The following LILRA4 variants were observed in gnomAD, a reference collection of about 807,000 sequenced individuals.
LILRA4 encodes leukocyte immunoglobulin like receptor A4, also known as leukocyte immunoglobulin-like receptor subfamily A member 4.
LILRA4 carries 51 observed loss-of-function variants against 49.5 expected under a neutral mutation model. The observed-to-expected ratio is 1.03, with a 90% CI of 0.82 to 1.30. LILRA4 has a LOEUF of 1.30. Among genes scored for constraint, LILRA4 ranks in the 50% most tolerant of loss-of-function variants. The pLI is 0.00. For synonymous variants in LILRA4, 272 were observed against 265.6 expected (o/e 1.02, Z -0.23); for missense variants, 624 against 625.6 (o/e 1.00, Z 0.03).
intron 6 of LILRA4, chr19:54,335,046 ATAT>A (rs1158451616): frequency 6.6e-6 from 1 of 152,132 alleles, no homozygotes; most frequent in African/African-American, 2.4e-5. Context: ...CTGATGAAAA[ATAT>A]TAAGCACAGG....
At position 54,333,770 on chromosome 19, in the gene LILRA4, G is replaced by T. The variant is rs543749996; in HGVS notation, c.1307-5C>A. On this transcript the variant is annotated splice_polypyrimidine_tract_variant and splice_region_variant and intron_variant, in intron 7 of 7. Coordinates refer to ENST00000291759, the MANE Select transcript of LILRA4 (RefSeq NM_012276.5). ...TGTAATCCTGGAGGTGTGGGGCTAG[G>T]GATGGTGGACAAAGAGGTCACAGAG... 6.2e-7 allele frequency: 1 copy of T among 1,611,468 alleles called. No individual in the cohort carries two copies. The highest frequency in any genetic ancestry group is 1.3e-5 in the African/African-American group (1 of 74,872).
intron 6 of LILRA4, chr19:54,336,173 C>G (rs1294375850): frequency 3.3e-5 from 5 of 153,112 alleles, no homozygotes; most frequent in Non-Finnish European, 7.3e-5. Context: ...CCTGCTCCAT[C>G]CTCAGAGCCC....
In LILRA4 at chr19:54,333,586, A is replaced by G. The variant is rs754478204; in HGVS notation, c.1486T>C (p.Trp496Arg). 3 of 1,613,894 alleles carry G rather than the reference A, an allele frequency of 1.9e-6. No individual in the cohort carries two copies. Among genetic ancestry groups the G allele is most frequent in the African/African-American group, 2.7e-5 (2 of 74,890 alleles). The stretch of plus-strand genomic sequence containing the variant: ...TCCTCAGATCATCAGATCTGTTCCC[A>G]AGGCTCCACCACTCTGAAGGGTGCA... Reference protein sequence around the residue: ...DNAPFRVVEPWEQI With the variant: ...DNAPFRVVEPREQI The change falls in exon 8 of 8, where the codon TGG becomes CGG. Residue 496 changes from tryptophan to arginine, a missense_variant. Trp to Arg is a moderately radical substitution (Grantham distance 101). Coordinates refer to ENST00000291759, the MANE Select transcript of LILRA4 (RefSeq NM_012276.5).
chr19:54,336,775 G>T lies in LILRA4; in HGVS notation c.1255+66C>A, dbSNP rs571053917. 1.9e-6 allele frequency: 3 copies of T among 1,568,760 alleles called. No individual in the cohort carries two copies. The East Asian group carries it at 6.7e-5, about 35-fold the overall frequency. On this transcript the variant is annotated intron_variant, in intron 6 of 7. Transcript: ENST00000291759. ...AGACAGACAGACGGACACTCTCTTG[G>T]AAGCTCTCCTTTTTCATTTCCAAGA...
In LILRA4 at chr19:54,337,113, A is replaced by G. The variant is rs754765350; in HGVS notation, c.983T>C (p.Val328Ala). 6.2e-6 allele frequency: 10 copies of G among 1,613,802 alleles called. No homozygotes were observed. The highest frequency in any genetic ancestry group is 4.4e-5 in the South Asian group (4 of 91,072). Reference protein sequence around the residue: ...GQISDRPSLSVQPGPTVTSGE... With the variant: ...GQISDRPSLSAQPGPTVTSGE... ...TGAGGTCACCGTGGGGCCCGGCTGC[A>G]CTGAGAGGGAGGGTCTGTCAGAGAT... is the stretch of plus-strand genomic sequence containing the variant. The change falls in exon 6 of 8, where the codon GTG becomes GCG. Residue 328 changes from valine (V) to alanine (A), a missense_variant. Val to Ala is a moderately conservative substitution (Grantham distance 64). Coordinates refer to ENST00000291759, the MANE Select transcript of LILRA4 (RefSeq NM_012276.5).
In LILRA4 at chr19:54,333,792, A is replaced by G. The variant is rs1391341339; in HGVS notation, c.1307-27T>C. The G allele has an allele frequency of 4.3e-6, 7 of 1,614,012 alleles. No homozygotes were observed. In the South Asian group the frequency reaches 7.7e-5, roughly 18 times the overall value. ...TAGGGATGGTGGACAAAGAGGTCAC[A>G]GAGGTCAGGGCAGATCACAATTACC... On this transcript the variant is annotated intron_variant, in intron 7 of 7. Transcript: ENST00000291759.
chr19:54,336,343 T>G, intron 6 of LILRA4: 1 of 181,894 alleles, frequency 5.5e-6, no homozygotes, highest in Non-Finnish European at 1.2e-5. Context: ...GGTCAGGACT[T>G]AGAGGCTGGG....
rs1318740253 is a variant in LILRA4 at position 54,337,670 on chromosome 19, T to C, written c.682A>G (p.Thr228Ala). The part of the protein sequence containing the change: ...SGVSRKPSLL[T>A]LQGPVVTPGE... ...GGGGTCACGACAGGGCCCTGCAGGG[T>C]CAGGAGGGAGGGCTTCCTAGACACG... The change falls in exon 5 of 8, where the codon ACC becomes GCC. Residue 228 changes from threonine to alanine, a missense_variant. Transcript: ENST00000291759. 6.2e-7 allele frequency: 1 copy of C among 1,612,212 alleles called. No individual in the cohort carries two copies. The highest frequency in any genetic ancestry group is 1.7e-5 in the Admixed American group (1 of 59,880).
intron 3 of LILRA4, 21 bp downstream of exon 3, chr19:54,338,375 G>A (rs762868961): frequency 3.2e-5 from 52 of 1,613,418 alleles, no homozygotes; most frequent in Non-Finnish European, 4.2e-5. Context: ...CTGGGGCTGG[G>A]ACCCCTGAGT....
chr19:54,337,087 C>T lies in LILRA4; in HGVS notation c.1009G>A (p.Gly337Arg), dbSNP rs2081332447. 3 of 1,614,032 alleles carry T rather than the reference C, an allele frequency of 1.9e-6. No homozygotes were observed. The highest frequency in any genetic ancestry group is 1.7e-6 in the Non-Finnish European group (2 of 1,179,972). The change falls in exon 6 of 8, where the codon GGA (glycine) becomes AGA (arginine). Residue 337 changes from glycine to arginine, a missense_variant. By Grantham distance (125) the Gly-to-Arg change is moderately radical. Transcript: ENST00000291759. The stretch of plus-strand genomic sequence containing the variant: ...TGACACAGCAGGGTCACCTTCTCTC[C>T]TGAGGTCACCGTGGGGCCCGGCTGC... ...SVQPGPTVTS[G>R]EKVTLLCQSW...
At chr19:54,336,528 C>T (rs1425543588) in intron 6 of LILRA4, 3 of 496,616 alleles carry the variant, frequency 6.0e-6, no homozygotes, top group Non-Finnish European at 1.1e-5. Flanking sequence ...GTGGGAAGTC[C>T]TCATCTATTT....
chr19:54,338,934 C>G (rs374849494), intron 1 of LILRA4, 33 bp from the exon 2 acceptor site: 3 of 1,611,868 alleles, frequency 1.9e-6, no homozygotes, highest in African/African-American at 1.3e-5. Context: ...AGATTTGCCT[C>G]CGAAGCCTGA....
rs2081292719 is a variant in LILRA4 at position 54,333,561 on chromosome 19, T to C, written c.*11A>G. 6.2e-7 allele frequency: 1 copy of C among 1,612,754 alleles called. No individual in the cohort carries two copies. Among genetic ancestry groups the C allele is most frequent in the South Asian group, 1.1e-5 (1 of 90,974 alleles). On this transcript the variant is annotated 3_prime_UTR_variant, in exon 8 of 8. Transcript: ENST00000291759. ...ACTGCTGCCCCAGTCTTCCAGAACC[T>C]CCTCAGATCATCAGATCTGTTCCCA...
In LILRA4 at chr19:54,333,323, G is replaced by A. The variant is rs2081289833; in HGVS notation, c.*249C>T. The A allele has an allele frequency of 1.2e-5, 7 of 563,802 alleles. No homozygotes were observed. The Admixed American group carries it at 2.4e-4, about 19-fold the overall frequency. 34.9% of individuals were successfully genotyped at this position (563,802 alleles called of 1,614,324 possible). On this transcript the variant is annotated 3_prime_UTR_variant, in exon 8 of 8. Coordinates refer to ENST00000291759, the MANE Select transcript of LILRA4 (RefSeq NM_012276.5). ...ATTACCTGAAAGTGGAGCAGAGCAT[G>A]AGGTCACAGAGGGGCGGACCCAAAC... is the stretch of plus-strand genomic sequence containing the variant.
chr19:54,336,973 T>C lies in LILRA4; in HGVS notation c.1123A>G (p.Lys375Glu), dbSNP rs1415464700. The C allele has an allele frequency of 2.5e-6, 4 of 1,614,030 alleles. No homozygotes were observed. Among genetic ancestry groups the C allele is most frequent in the African/African-American group, 1.3e-5 (1 of 74,920 alleles). The change falls in exon 6 of 8, where the codon AAG (lysine) becomes GAG (glutamate). Residue 375 changes from lysine to glutamate, a missense_variant. Transcript: ENST00000291759. ...CTCATGGGGAATTCAGCCTGGTACTTATGAGCTCCGTACATTGATCTCAGA... is the reference window on the plus strand; with the variant it reads ...CTCATGGGGAATTCAGCCTGGTACTCATGAGCTCCGTACATTGATCTCAGA... ...LRLRSMYGAH[K>E]YQAEFPMSPV... is the part of the protein sequence containing the mutation.
intron 6 of LILRA4, chr19:54,335,493 TTTTGTTTGTTTG>T (rs58696267): frequency 6.5e-6 from 1 of 152,692 alleles, no homozygotes; most frequent in Non-Finnish European, 1.5e-5. Context: ...TCAGGTAGGT[TTTTGTTTGTTTG>T]TTTGTTTGTT....
chr19:54,336,653 A>T, intron 6 of LILRA4, 188 bp downstream of exon 6: 3 of 892,402 alleles, frequency 3.4e-6, no homozygotes, highest in Non-Finnish European at 5.0e-6. Context: ...CTGTTTTCTT[A>T]GTGTCCTGAA....
chr19:54,333,694 G>T lies in LILRA4; in HGVS notation c.1378C>A (p.Leu460Ile). ...TGAGCCTCAAATAACAGAATCCCGA[G>T]GAACAGCAGGACCAAGCCAGCCACA... ...MGVAGLVLLF[L>I]GILLFEAQHS... is the part of the protein sequence containing the mutation. Residue 460 changes from leucine to isoleucine, a missense_variant, in exon 8 of 8, where the codon CTC (leucine) becomes ATC (isoleucine). Leu to Ile is a conservative substitution (Grantham distance 5). Coordinates refer to ENST00000291759, the MANE Select transcript of LILRA4 (RefSeq NM_012276.5). 1 of 1,614,072 alleles carries T rather than the reference G, an allele frequency of 6.2e-7. No homozygotes were observed. Among genetic ancestry groups the T allele is most frequent in the African/African-American group, 1.3e-5 (1 of 74,986 alleles).
At chr19:54,334,072 CT>C (rs930859125) in intron 6 of LILRA4, 107 bp from the exon 7 acceptor site, 6 of 894,538 alleles carry the variant, frequency 6.7e-6, no homozygotes, top group African/African-American at 4.9e-5. Flanking sequence ...TATGTAGATC[CT>C]TAGTGAACAC....
Sources: allele counts gnomAD v4.1 joint callset, GRCh38; gene constraint gnomAD v4.1.1; transcripts MANE v1.5; gene names NCBI Gene and HGNC (gene_info 2026-07-23, HGNC 2026-07-21).